Variants in PWWP3B observed in about 807,000 individuals in gnomAD.
The protein encoded by PWWP3B is PWWP domain-containing DNA repair factor 3B.
A neutral mutation model predicts 15.7 loss-of-function variants in PWWP3B; 5 were observed. The ratio of observed to expected loss-of-function variants is 0.32; its 90% CI spans 0.17 to 0.67. The LOEUF is 0.67. Ranked by LOEUF, PWWP3B falls within the 30% of genes least tolerant of loss-of-function variation. The probability of loss-of-function intolerance (pLI) is 0.74; values close to 1 mark genes in which losing one functional copy is unlikely to be tolerated. For synonymous variants in PWWP3B, 203 were observed against 179.8 expected, an observed-to-expected ratio of 1.13 and a Z score of -1.03; for missense variants, 519 against 493.1, an observed-to-expected ratio of 1.05 and a Z score of -0.50.
intron 2 of PWWP3B, among the ~76,000 whole-genome samples, chrX:106,173,553 C>A: frequency 9.0e-6 from 1 of 111,140 alleles, no homozygotes; most frequent in Non-Finnish European, 1.9e-5. Flanking sequence ...TGTTTTAATG[C>A]AATCCAATTA....
At chrX:106,194,550 C>T (rs191648770) in intron 2 of PWWP3B, among the ~76,000 whole-genome samples, 46 of 112,316 alleles carry the variant, frequency 4.1e-4, no homozygotes, top group African/African-American at 8.7e-4. Flanking sequence ...TTGTCAAAGT[C>T]ATTCTCCGTC....
chrX:106,196,840 T>C (rs1223766909), intron 2 of PWWP3B, among the ~76,000 whole-genome samples: 1 of 112,128 alleles, frequency 8.9e-6, no homozygotes, highest in East Asian at 2.8e-4. Flanking sequence ...CCTCACATAA[T>C]TGTCATCTGG....
chrX:106,206,126 A>G lies in PWWP3B; in HGVS notation c.694A>G (p.Lys232Glu), dbSNP rs752719088. ...SAVKEESACV[K>E]DEKFAPPLSP... is the part of the protein sequence containing the mutation. ...AGTCAAAGAGGAAAGTGCATGTGTT[A>G]AAGATGAAAAGTTTGCTCCACCTTT... Residue 232 changes from lysine (K) to glutamate (E), a missense_variant, in exon 4 of 4, where the codon AAA becomes GAA. Physicochemically the swap from Lys to Glu is moderately conservative, Grantham distance 56. Transcript: ENST00000357175. 1.7e-6 allele frequency: 2 copies of G among 1,209,492 alleles called. No individual in the cohort carries two copies. Among genetic ancestry groups the G allele is most frequent in the East Asian group, 5.9e-5 (2 of 33,776 alleles).
intron 2 of PWWP3B, among the ~76,000 whole-genome samples, chrX:106,184,618 G>T (rs976535076): frequency 7.2e-5 from 8 of 111,872 alleles, no homozygotes; most frequent in Non-Finnish European, 1.5e-4. Flanking sequence ...CTCTTGGGCT[G>T]CAGCTAAAAC....
In PWWP3B at chrX:106,207,986, T is replaced by C. The variant is rs1223921375; in HGVS notation, c.*463T>C. On this transcript the variant is annotated 3_prime_UTR_variant, in exon 4 of 4. Coordinates refer to ENST00000357175, the MANE Select transcript of PWWP3B (RefSeq NM_001171020.2). ...TAAAATATTGGGTTTTCCCTTAAGA[T>C]AGTTGAAGTATTTTTCTTGCCATGC... 1 of 124,403 alleles carries C rather than the reference T, an allele frequency of 8.0e-6. No homozygotes were observed. The highest frequency in any genetic ancestry group is 1.9e-5 in the Non-Finnish European group (1 of 53,948). The allele number at this position is 124,403 out of a possible 1,213,427, so 10.3% of individuals were successfully genotyped here.
chrX:106,171,936 AT>A (rs768108460), intron 2 of PWWP3B, among the ~76,000 whole-genome samples: 110 of 109,867 alleles, frequency 1.0e-3, no homozygotes, highest in South Asian at 2.7e-3. Context: ...TACGATTAAC[AT>A]TTTTTTTTCT....
At chrX:106,185,684 C>T (rs370642779) in intron 2 of PWWP3B, among the ~76,000 whole-genome samples, 40 of 111,842 alleles carry the variant, frequency 3.6e-4, no homozygotes, top group East Asian at 1.1e-3. Flanking sequence ...GAGTCCTATG[C>T]GCTCTCCTGT....
In PWWP3B at chrX:106,205,521, A is replaced by C; in HGVS notation, c.89A>C (p.Lys30Thr). 2.5e-6 allele frequency: 3 copies of C among 1,202,494 alleles called. No individual in the cohort carries two copies. The highest frequency in any genetic ancestry group is 2.2e-6 in the Non-Finnish European group (2 of 890,640). ...AGATCTGAAACTTCATCAAACAGTA[A>C]GAGGAAAAAGGCATTTTCTCTAGAA... ...LSRSETSSNS[K>T]RKKAFSLEVQ... The change falls in exon 4 of 4, where the codon AAG becomes ACG. Residue 30 changes from lysine to threonine, a missense_variant. By Grantham distance (78) the Lys-to-Thr change is moderately conservative. Coordinates refer to ENST00000357175, the MANE Select transcript of PWWP3B (RefSeq NM_001171020.2).
At chrX:106,203,774 T>C (rs1273010433) in intron 2 of PWWP3B, among the ~76,000 whole-genome samples, 1 of 111,968 alleles carries the variant, frequency 8.9e-6, no homozygotes, top group African/African-American at 3.2e-5. Flanking sequence ...CAGAGATGAT[T>C]TCAACATAAA....
chrX:106,176,849 A>G (rs1247485951), intron 2 of PWWP3B, among the ~76,000 whole-genome samples: 1 of 112,208 alleles, frequency 8.9e-6, no homozygotes, highest in Non-Finnish European at 1.9e-5. Context: ...GATATACATC[A>G]TGTGCCAGGG....
In PWWP3B at chrX:106,198,547, AT is replaced by A. The variant is rs771472393; in HGVS notation, c.-400-5436del. ...GATCATATGTCAAGTGCTTGAGAAC[AT>A]TGCCTGGCACATAGAAAACTTGTGT... On this transcript the variant is annotated intron_variant, in intron 2 of 3. Coordinates refer to ENST00000357175, the MANE Select transcript of PWWP3B (RefSeq NM_001171020.2). Among the ~76,000 whole-genome samples the A allele has an allele frequency of 2.7e-5, 3 of 111,747 alleles. No individual in the cohort carries two copies. In the East Asian group the frequency reaches 8.4e-4, roughly 31 times the overall value.
intron 2 of PWWP3B, among the ~76,000 whole-genome samples, chrX:106,180,499 C>G (rs1482199899): frequency 8.9e-6 from 1 of 111,854 alleles, no homozygotes; most frequent in Non-Finnish European, 1.9e-5. Flanking sequence ...TTTTTCTTTG[C>G]CTTTCCTTTA....
At chrX:106,193,081 A>C (rs1923108562) in intron 2 of PWWP3B, among the ~76,000 whole-genome samples, 1 of 111,278 alleles carries the variant, frequency 9.0e-6, no homozygotes, top group Non-Finnish European at 1.9e-5. Context: ...AGCTGAGTTC[A>C]ATTCCTGGGT....
intron 2 of PWWP3B, among the ~76,000 whole-genome samples, chrX:106,172,164 A>G (rs1050664210): frequency 3.6e-5 from 4 of 110,703 alleles, no homozygotes; most frequent in African/African-American, 1.3e-4. Context: ...TACTTTGGGT[A>G]AGTCAGTGAG....
At chrX:106,179,388 G>T (rs191670562) in intron 2 of PWWP3B, among the ~76,000 whole-genome samples, 5 of 112,196 alleles carry the variant, frequency 4.5e-5, no homozygotes, top group Admixed American at 3.8e-4. Flanking sequence ...CTGACAAAGA[G>T]AGCATTTCAT....
intron 2 of PWWP3B, among the ~76,000 whole-genome samples, chrX:106,172,125 C>A (rs1446933164): frequency 1.8e-5 from 2 of 110,264 alleles, no homozygotes; most frequent in Non-Finnish European, 3.8e-5. Context: ...AGGGGAATTA[C>A]CATGAATGGA....
At chrX:106,190,687 G>A (rs1354538595) in intron 2 of PWWP3B, among the ~76,000 whole-genome samples, 1 of 111,857 alleles carries the variant, frequency 8.9e-6, no homozygotes, top group Non-Finnish European at 1.9e-5. Flanking sequence ...GGTCTAACAT[G>A]TAAGTCTTTA....
intron 2 of PWWP3B, among the ~76,000 whole-genome samples, chrX:106,189,336 C>T (rs1415752189): frequency 2.7e-5 from 3 of 110,580 alleles, no homozygotes; most frequent in Non-Finnish European, 5.7e-5. Context: ...ACCATTAACT[C>T]GTCATTTAGC....
At position 106,186,180 on chromosome X, in the gene PWWP3B, G is replaced by A. The variant is rs1367076459; in HGVS notation, c.-401+15041G>A. 3.5e-4 allele frequency among the ~76,000 whole-genome samples: 39 copies of A among 111,250 alleles called. No homozygotes were observed. The Admixed American group carries it at 3.7e-3, about 11-fold the overall frequency. ...GTCAGTATAGATAGGATAGATGGGT[G>A]AGTCTCGCTTGGACGACATGACTTT... On this transcript the variant is annotated intron_variant, in intron 2 of 3. Transcript: ENST00000357175.
Sources: allele counts gnomAD v4.1 joint callset (sites outside exome capture counted in the v4.1 genomes callset), GRCh38; gene constraint gnomAD v4.1.1; transcripts MANE v1.5; gene names NCBI Gene and HGNC (gene_info 2026-07-23, HGNC 2026-07-21).